RNF13: variants seen among roughly 807,000 people sequenced by gnomAD.
RNF13 encodes E3 ubiquitin-protein ligase RNF13.
Under a neutral mutation model 37.7 loss-of-function variants are expected in RNF13, and 19 were observed. The observed-to-expected ratio is 0.50, with a 90% CI of 0.35 to 0.74. The LOEUF (loss-of-function observed/expected upper bound fraction) is 0.74. RNF13 is among the 30% of genes least tolerant of loss of function. The probability of loss-of-function intolerance (pLI) is 0.01; values close to 1 mark genes in which losing one functional copy is unlikely to be tolerated. For synonymous variants in RNF13, 144 were observed against 157.8 expected (o/e 0.91, Z 0.65); for missense variants, 375 against 453.0 (o/e 0.83, Z 1.56).
intron 3 of RNF13, among the ~76,000 whole-genome samples, chr3:149,862,193 T>C (rs761485068): frequency 6.6e-5 from 10 of 152,138 alleles, no homozygotes; most frequent in Non-Finnish European, 1.2e-4. Flanking sequence ...AATTACACCA[T>C]AATGTAACCA....
intron 1 of RNF13, among the ~76,000 whole-genome samples, chr3:149,821,249 CACAGTAGCTAA>C (rs1719967985): frequency 6.6e-6 from 1 of 152,142 alleles, no homozygotes; most frequent in African/African-American, 2.4e-5. Flanking sequence ...AACTGCTTTC[CACAGTAGCTAA>C]ACCATTTTAC....
At chr3:149,869,014 A>G (rs576755897) in intron 3 of RNF13, among the ~76,000 whole-genome samples, 139 of 151,788 alleles carry the variant, frequency 9.2e-4, no homozygotes, top group African/African-American at 2.8e-3. Flanking sequence ...TTTATCTTGT[A>G]GGAGATCTTT....
intron 4 of RNF13, among the ~76,000 whole-genome samples, chr3:149,877,472 C>CTTTTTTTTTTTTTTTTTT (rs369676407): frequency 4.9e-5 from 5 of 101,484 alleles, no homozygotes; most frequent in Admixed American, 2.0e-4. Context: ...TTCTTTCTGT[C>CTTTTTTTTTTTTTTTTTT]TTTTTTTTTT....
chr3:149,910,131 C>T (rs1308932221), intron 6 of RNF13, among the ~76,000 whole-genome samples: 2 of 152,048 alleles, frequency 1.3e-5, no homozygotes, highest in Non-Finnish European at 2.9e-5. Flanking sequence ...CATGGAAAGG[C>T]TCTTATACTT....
chr3:149,905,150 G>A (rs946908208), intron 6 of RNF13, among the ~76,000 whole-genome samples: 3 of 152,160 alleles, frequency 2.0e-5, no homozygotes, highest in Admixed American at 6.5e-5. Context: ...GAGTTTTAAT[G>A]TATATGTATT....
intron 1 of RNF13, among the ~76,000 whole-genome samples, chr3:149,835,070 G>A (rs962796279): frequency 6.6e-6 from 1 of 152,076 alleles, no homozygotes; most frequent in Non-Finnish European, 1.5e-5. Flanking sequence ...AAAACTCTTA[G>A]AGGAAAACAT....
At chr3:149,825,254 G>C (rs1231505166) in intron 1 of RNF13, among the ~76,000 whole-genome samples, 1 of 150,782 alleles carries the variant, frequency 6.6e-6, no homozygotes, top group Non-Finnish European at 1.5e-5. Flanking sequence ...TCTGCTCACT[G>C]TAACCTCTGC....
chr3:149,916,645 G>A (rs941891848), intron 7 of RNF13, among the ~76,000 whole-genome samples: 2 of 151,590 alleles, frequency 1.3e-5, no homozygotes, highest in African/African-American at 4.9e-5. Flanking sequence ...ATTCCCTTGG[G>A]GTTTCAGCAT....
At chr3:149,850,357 G>A (rs952798412) in intron 2 of RNF13, among the ~76,000 whole-genome samples, 4 of 152,108 alleles carry the variant, frequency 2.6e-5, no homozygotes, top group Non-Finnish European at 5.9e-5. Context: ...TACCAAAAAC[G>A]TAAAGTACCT....
At chr3:149,850,653 A>G (rs1048811131) in intron 2 of RNF13, among the ~76,000 whole-genome samples, 6 of 152,226 alleles carry the variant, frequency 3.9e-5, no homozygotes, top group African/African-American at 1.4e-4. Flanking sequence ...TCCTAATTTC[A>G]AAAGTACATT....
chr3:149,951,890 T>C (rs936487593), intron 8 of RNF13, among the ~76,000 whole-genome samples: 1 of 152,134 alleles, frequency 6.6e-6, no homozygotes, highest in African/African-American at 2.4e-5. Flanking sequence ...TAAAGGGAAG[T>C]GGCAGGGCTG....
chr3:149,846,839 T>A, intron 2 of RNF13, among the ~76,000 whole-genome samples: 1 of 152,226 alleles, frequency 6.6e-6, no homozygotes, highest in East Asian at 1.9e-4. Context: ...AGAAATTCTA[T>A]AAGATGTTCA....
intron 6 of RNF13, among the ~76,000 whole-genome samples, chr3:149,910,660 A>G (rs1462865362): frequency 6.6e-6 from 1 of 152,130 alleles, no homozygotes; most frequent in African/African-American, 2.4e-5. Context: ...TTTGCATTGA[A>G]CCTTTCGGTT....
chr3:149,820,618 G>A (rs1719919253), intron 1 of RNF13, among the ~76,000 whole-genome samples: 1 of 152,038 alleles, frequency 6.6e-6, no homozygotes, highest in Non-Finnish European at 1.5e-5. Flanking sequence ...TATCCAACAT[G>A]GATTATAAAT....
chr3:149,873,368 T>G (rs1043188936), intron 4 of RNF13, among the ~76,000 whole-genome samples: 2 of 152,190 alleles, frequency 1.3e-5, no homozygotes, highest in East Asian at 1.9e-4. Flanking sequence ...AATACTGTTA[T>G]TGAATATCTG....
intron 6 of RNF13, among the ~76,000 whole-genome samples, chr3:149,906,645 C>CTTTTTTTTTTTTTTTTT (rs35801459): frequency 1.0e-4 from 8 of 79,150 alleles, no homozygotes; most frequent in African/African-American, 2.0e-4. Context: ...TTCAATTCTG[C>CTTTTTTTTTTTTTTTTT]TTTTTTTTTT....
At chr3:149,891,052 T>A (rs1714643678) in intron 4 of RNF13, among the ~76,000 whole-genome samples, 1 of 152,228 alleles carries the variant, frequency 6.6e-6, no homozygotes, top group African/African-American at 2.4e-5. Flanking sequence ...TCTAGACATT[T>A]GTAAAATGTT....
chr3:149,920,039 G>A (rs566977070), intron 7 of RNF13, among the ~76,000 whole-genome samples: 1 of 152,240 alleles, frequency 6.6e-6, no homozygotes, highest in East Asian at 1.9e-4. Context: ...TTTGCTGTTT[G>A]TCTTGTATAG....
At chr3:149,860,801 A>G (rs991785098) in intron 3 of RNF13, among the ~76,000 whole-genome samples, 1 of 152,198 alleles carries the variant, frequency 6.6e-6, no homozygotes, top group Non-Finnish European at 1.5e-5. Flanking sequence ...TGCACAGCAA[A>G]GGAGTCAACA....
Sources: gnomAD v4.1 joint callset for allele counts (sites outside exome capture counted in the v4.1 genomes callset) on GRCh38, gnomAD v4.1.1 for gene constraint, MANE v1.5 for transcripts, NCBI Gene and HGNC (gene_info 2026-07-23, HGNC 2026-07-21) for gene names.